Variants in UBLCP1 observed in about 807,000 individuals in gnomAD.
The protein encoded by UBLCP1 is ubiquitin-like domain-containing CTD phosphatase 1.
Under a neutral mutation model 42.4 loss-of-function variants are expected in UBLCP1, and 28 were observed. That is an observed-to-expected ratio of 0.66 (90% CI 0.49 to 0.90). The LOEUF (loss-of-function observed/expected upper bound fraction) is 0.90, where lower values mean the gene tolerates loss of function less well. Ranked by LOEUF, UBLCP1 falls within the 40% of genes least tolerant of loss-of-function variation. The probability of loss-of-function intolerance (pLI) is 0.00; values close to 1 mark genes in which losing one functional copy is unlikely to be tolerated. For missense variants in UBLCP1, 279 were observed against 374.5 expected (o/e 0.75, Z 2.10); for synonymous variants, 122 against 120.8 (o/e 1.01, Z -0.07).
intron 8 of UBLCP1, chr5:159,275,474 G>T: frequency 1.8e-5 from 5 of 284,578 alleles, no homozygotes; most frequent in South Asian, 3.8e-5. Context: ...GTGCAGTGGT[G>T]CAATCTCGCT....
chr5:159,271,345 A>T (rs1040982443), intron 5 of UBLCP1, among the ~76,000 whole-genome samples: 1 of 151,876 alleles, frequency 6.6e-6, no homozygotes, highest in Non-Finnish European at 1.5e-5. Context: ...ACCTAGTCCC[A>T]GCTACTTTAG....
intron 6 of UBLCP1, among the ~76,000 whole-genome samples, chr5:159,274,165 A>T (rs1487240472): frequency 1.3e-5 from 2 of 152,188 alleles, no homozygotes; most frequent in Admixed American, 6.5e-5. Context: ...AACTTTTGAC[A>T]CATAACAATA....
chr5:159,284,760 A>G, intron 10 of UBLCP1, 144 bp from the exon 11 acceptor site: 2 of 806,664 alleles, frequency 2.5e-6, no homozygotes, highest in South Asian at 2.8e-5. Context: ...GTGCGTGCAC[A>G]TAATCAGTAG....
intron 1 of UBLCP1, among the ~76,000 whole-genome samples, chr5:159,264,950 TTTTATTC>T (rs1399440421): frequency 6.6e-6 from 1 of 152,244 alleles, no homozygotes; most frequent in Non-Finnish European, 1.5e-5. Context: ...TAGGATTCCC[TTTTATTC>T]TTATGTCTTA....
chr5:159,269,577 G>T (rs1753438723), intron 2 of UBLCP1, among the ~76,000 whole-genome samples: 1 of 152,030 alleles, frequency 6.6e-6, no homozygotes, highest in Non-Finnish European at 1.5e-5. Context: ...AGTTTTCTTA[G>T]GCACTCAATT....
rs377472780 is a variant in UBLCP1, at chr5:159,284,942, T to C, written c.*11T>C. On this transcript the variant is annotated 3_prime_UTR_variant, in exon 11 of 11. Coordinates refer to ENST00000296786, the MANE Select transcript of UBLCP1 (RefSeq NM_145049.5). ...AAGCAAGGACAGTAGTTACAAGTTA[T>C]ACTGGCAGTTATTGAAGATACTTAA... 9.3e-6 allele frequency: 15 copies of C among 1,611,872 alleles called. No individual in the cohort carries two copies. The Middle Eastern group carries it at 4.9e-4, about 53-fold the overall frequency.
intron 5 of UBLCP1, among the ~76,000 whole-genome samples, chr5:159,271,673 G>C (rs75753698): frequency 0.014 from 2,104 of 152,240 alleles, 55 homozygotes; most frequent in African/African-American, 0.049. Context: ...CAAGGTAGAT[G>C]ACTAAAGGTG....
At chr5:159,275,101 T>A in intron 7 of UBLCP1, 47 bp from the exon 8 acceptor site, 3 of 1,550,466 alleles carry the variant, frequency 1.9e-6, no homozygotes, top group Non-Finnish European at 2.7e-6. Context: ...AAATCTGAAA[T>A]TTTCCACACT....
chr5:159,285,196 CCACACACACACACACACA>C lies in UBLCP1; in HGVS notation c.*296_*313del, dbSNP rs70987962. 77 of 251,988 alleles carry C rather than the reference CCACACACACACACACACA, an allele frequency of 3.1e-4. No homozygotes were observed. Among genetic ancestry groups the C allele is most frequent in the East Asian group, 2.2e-3 (21 of 9,710 alleles). 15.6% of individuals were successfully genotyped at this position (251,988 alleles called of 1,614,324 possible). ...GGTTACTGACCACCCCACCCTCCCA[CCACACACACACACACACA>C]CACACACACACACACACACACACAC... On this transcript the variant is annotated 3_prime_UTR_variant, in exon 11 of 11. Coordinates refer to ENST00000296786, the MANE Select transcript of UBLCP1 (RefSeq NM_145049.5).
intron 8 of UBLCP1, among the ~76,000 whole-genome samples, chr5:159,277,186 C>T (rs1456789794): frequency 6.7e-6 from 1 of 148,624 alleles, no homozygotes; most frequent in Non-Finnish European, 1.5e-5. Flanking sequence ...GAGTAGGGGG[C>T]GGTTTCTATT....
At chr5:159,267,045 A>G (rs1033596823) in intron 1 of UBLCP1, among the ~76,000 whole-genome samples, 1 of 152,154 alleles carries the variant, frequency 6.6e-6, no homozygotes, top group Non-Finnish European at 1.5e-5. Context: ...GGCACTGCCT[A>G]GTGGAGCTGA....
rs1049202973 is a variant in UBLCP1, at chr5:159,269,972, G to A, written c.219G>A (p.Met73Ile). The A allele has an allele frequency of 1.2e-6, 2 of 1,612,362 alleles. No homozygotes were observed. The highest frequency in any genetic ancestry group is 1.7e-6 in the Non-Finnish European group (2 of 1,179,464). ...AACTGAAACCAAATACTAAAATCAT[G>A]ATGATGGGAACTCGTGAGGAGAGCT... ...ALKLKPNTKI[M>I]MMGTREESLE... Residue 73 changes from methionine to isoleucine, a missense_variant, in exon 3 of 11, where the codon ATG (methionine) becomes ATA (isoleucine). Met to Ile is a conservative substitution (Grantham distance 10). Coordinates refer to ENST00000296786, the MANE Select transcript of UBLCP1 (RefSeq NM_145049.5).
At chr5:159,274,516 T>G in intron 6 of UBLCP1, 69 bp from the exon 7 acceptor site, 1 of 1,405,898 alleles carries the variant, frequency 7.1e-7, no homozygotes, top group Non-Finnish European at 9.9e-7. Context: ...GAAAACTTAC[T>G]TATACAGATT....
chr5:159,270,354 T>C lies in UBLCP1; in HGVS notation c.247-6T>C. 6.2e-7 allele frequency: 1 copy of C among 1,609,878 alleles called. No individual in the cohort carries two copies. Among genetic ancestry groups the C allele is most frequent in the Non-Finnish European group, 8.5e-7 (1 of 1,177,710 alleles). On this transcript the variant is annotated splice_region_variant and splice_polypyrimidine_tract_variant and intron_variant, in intron 3 of 10. Coordinates refer to ENST00000296786, the MANE Select transcript of UBLCP1 (RefSeq NM_145049.5). ...TGGTAGAACAAAACTTTTTCCATCTTAATAGGAAGATGTCTTAGGTCCACC... is the reference window on the plus strand; with the variant it reads ...TGGTAGAACAAAACTTTTTCCATCTCAATAGGAAGATGTCTTAGGTCCACC...
chr5:159,280,777 G>T (rs1157897512), intron 9 of UBLCP1, among the ~76,000 whole-genome samples: 1 of 152,168 alleles, frequency 6.6e-6, no homozygotes, highest in African/African-American at 2.4e-5. Context: ...AAGGTTTGAA[G>T]TACATGGAAG....
chr5:159,265,470 A>G (rs998382516), intron 1 of UBLCP1, among the ~76,000 whole-genome samples: 10 of 152,210 alleles, frequency 6.6e-5, no homozygotes, highest in Admixed American at 4.6e-4. Flanking sequence ...GGCAGCCACT[A>G]TATAATCTTT....
At chr5:159,275,312 ATAC>A in intron 8 of UBLCP1, 66 bp downstream of exon 8, 1 of 1,244,420 alleles carries the variant, frequency 8.0e-7, no homozygotes, top group Non-Finnish European at 1.2e-6. Flanking sequence ...TTTTATGTTT[ATAC>A]CTATGGAGTA....
chr5:159,280,377 A>T (rs998124392), intron 9 of UBLCP1, among the ~76,000 whole-genome samples: 1 of 152,180 alleles, frequency 6.6e-6, no homozygotes, highest in Non-Finnish European at 1.5e-5. Flanking sequence ...ATCAGAGCTC[A>T]TTGCAGCCTC....
At chr5:159,284,250 C>G (rs1259635109) in intron 10 of UBLCP1, among the ~76,000 whole-genome samples, 1 of 152,046 alleles carries the variant, frequency 6.6e-6, no homozygotes. Context: ...CAAATTGTAC[C>G]AGCAAAACAT....
Sources: allele counts gnomAD v4.1 joint callset (sites outside exome capture counted in the v4.1 genomes callset), GRCh38; gene constraint gnomAD v4.1.1; transcripts MANE v1.5; gene names NCBI Gene and HGNC (gene_info 2026-07-23, HGNC 2026-07-21).